The following NDUFA10 variants were observed in gnomAD, a reference collection of about 807,000 sequenced individuals.
NDUFA10 encodes the protein NADH:ubiquinone oxidoreductase subunit A10, also known as NADH dehydrogenase [ubiquinone] 1 alpha subcomplex subunit 10, mitochondrial.
In NDUFA10, 40 loss-of-function variants were observed where a neutral mutation model predicts 47.8. That is an observed-to-expected ratio of 0.84 (90% confidence interval 0.65 to 1.09). The LOEUF is 1.09. Among genes scored for constraint, NDUFA10 ranks in the 50% least tolerant of loss-of-function variants. The pLI, the probability that NDUFA10 is intolerant of heterozygous loss-of-function variation, is 0.00. For synonymous variants in NDUFA10, 183 were observed against 172.2 expected, an observed-to-expected ratio of 1.06 and a Z score of -0.49; for missense variants, 413 against 451.1, an observed-to-expected ratio of 0.92 and a Z score of 0.76.
chr2:239,962,400 C>T (rs1694892164), intron 9 of NDUFA10, among the ~76,000 whole-genome samples: 1 of 152,188 alleles, frequency 6.6e-6, no homozygotes, highest in African/African-American at 2.4e-5. Context: ...GCCTCTGCCA[C>T]AGTGGCCACG....
intron 5 of NDUFA10, among the ~76,000 whole-genome samples, chr2:239,894,618 T>C (rs1160488878): frequency 6.6e-6 from 1 of 152,154 alleles, no homozygotes; most frequent in African/African-American, 2.4e-5. Context: ...CCTCTTGTTC[T>C]CTGCCTTGTT....
chr2:240,023,849 G>T (rs1437640797), intron 1 of NDUFA10, among the ~76,000 whole-genome samples: 5 of 152,152 alleles, frequency 3.3e-5, no homozygotes, highest in African/African-American at 1.2e-4. Flanking sequence ...AACACCTCTC[G>T]CAAATGAAAT....
intron 9 of NDUFA10, among the ~76,000 whole-genome samples, chr2:239,978,720 G>A (rs1019595151): frequency 2.0e-5 from 3 of 152,174 alleles, no homozygotes; most frequent in African/African-American, 4.8e-5. Context: ...TGAAAACTAC[G>A]CGTCTGAAAA....
At position 239,967,779 on chromosome 2, in the gene NDUFA10, G is replaced by A. The variant is rs78810943; in HGVS notation, c.1000-6593C>T. Among the ~76,000 whole-genome samples, 18 of 152,308 alleles carry A rather than the reference G, an allele frequency of 1.2e-4. 1 individual carries two copies. Among genetic ancestry groups the A allele is most frequent in the African/African-American group, 1.2e-4 (5 of 41,568 alleles). On this transcript the variant is annotated intron_variant, in intron 9 of 9. Coordinates refer to ENST00000252711, the MANE Select transcript of NDUFA10 (RefSeq NM_004544.4). ...CGCCACTGAGTTTGTGTGATTCAAC[G>A]TAAGGACTGGATGAGTTCTGATGTT...
chr2:239,904,913 G>A (rs34139345), intron 4 of NDUFA10, among the ~76,000 whole-genome samples: 2,715 of 152,228 alleles, frequency 0.018, 69 homozygotes, highest in East Asian at 0.14. Context: ...CTCCGATCCC[G>A]CCTCTGCATT....
At chr2:239,893,219 G>C (rs1479543137) in intron 5 of NDUFA10, among the ~76,000 whole-genome samples, 1 of 152,180 alleles carries the variant, frequency 6.6e-6, no homozygotes, top group South Asian at 2.1e-4. Context: ...GCAGCACAGG[G>C]TACACGGCAG....
At chr2:239,998,827 G>C (rs1260552333) in intron 8 of NDUFA10, among the ~76,000 whole-genome samples, 1 of 152,234 alleles carries the variant, frequency 6.6e-6, no homozygotes, top group Non-Finnish European at 1.5e-5. Flanking sequence ...ACAGGAGGAA[G>C]AGCCTGTGCA....
chr2:239,913,426 T>C (rs945042594), intron 4 of NDUFA10, among the ~76,000 whole-genome samples: 2 of 152,240 alleles, frequency 1.3e-5, no homozygotes, highest in Non-Finnish European at 2.9e-5. Flanking sequence ...GCTGGCCTTG[T>C]GGTCACGTGG....
chr2:240,013,099 C>T (rs1382872901), intron 5 of NDUFA10: 1 of 152,262 alleles, frequency 6.6e-6, no homozygotes, highest in East Asian at 1.9e-4. Flanking sequence ...TCTCAGAAAT[C>T]TGACCTGAAG....
chr2:239,933,598 A>T, intron 4 of NDUFA10, among the ~76,000 whole-genome samples: 1 of 148,824 alleles, frequency 6.7e-6, no homozygotes, highest in East Asian at 2.0e-4. Flanking sequence ...AGAGCCTCCA[A>T]CTTAATGCAC....
chr2:239,924,671 A>C (rs1045361664), intron 4 of NDUFA10, among the ~76,000 whole-genome samples: 1 of 152,052 alleles, frequency 6.6e-6, no homozygotes, highest in Non-Finnish European at 1.5e-5. Context: ...TACTATTACC[A>C]CTCCTATTCA....
At chr2:239,970,516 T>C (rs755167864) in intron 9 of NDUFA10, among the ~76,000 whole-genome samples, 1 of 152,226 alleles carries the variant, frequency 6.6e-6, no homozygotes, top group Non-Finnish European at 1.5e-5. Context: ...GACTAAAAAA[T>C]TGTTTCAATC....
In NDUFA10 at chr2:239,959,026, T is replaced by A; in HGVS notation, c.*2092A>T. On this transcript the variant is annotated 3_prime_UTR_variant, in exon 10 of 10. Coordinates refer to ENST00000252711, the MANE Select transcript of NDUFA10 (RefSeq NM_004544.4). Reference sequence around the variant, plus strand: ...GGAAATCGGGGCATCTCCTCACCTCTTCTTGAGGCTTCTATGTGGAGAGAA... The same window carrying A: ...GGAAATCGGGGCATCTCCTCACCTCATCTTGAGGCTTCTATGTGGAGAGAA... The A allele has an allele frequency of 1.0e-6, 1 of 985,474 alleles. No individual in the cohort carries two copies. Among genetic ancestry groups the A allele is most frequent in the South Asian group, 4.7e-5 (1 of 21,288 alleles). The allele number at this position is 985,474 out of a possible 1,614,324, so 61.0% of individuals were successfully genotyped here.
chr2:239,942,689 C>T (rs1694379278), intron 4 of NDUFA10, among the ~76,000 whole-genome samples: 1 of 151,902 alleles, frequency 6.6e-6, no homozygotes, highest in African/African-American at 2.4e-5. Flanking sequence ...ATGCTGTGGT[C>T]CCTTCTCCAG....
intron 4 of NDUFA10, 80 bp downstream of exon 4, chr2:240,018,473 A>C: frequency 1.2e-6 from 2 of 1,612,782 alleles, no homozygotes; most frequent in Non-Finnish European, 1.7e-6. Context: ...TCATAAACAC[A>C]GTAAGTGCAA....
chr2:239,967,979 T>TATAC (rs373936883), intron 9 of NDUFA10, among the ~76,000 whole-genome samples: 3 of 147,476 alleles, frequency 2.0e-5, no homozygotes, highest in African/African-American at 7.5e-5. Flanking sequence ...GAAAAAAATA[T>TATAC]ACACACACAC....
intron 5 of NDUFA10, 196 bp from the exon 6 acceptor site, chr2:240,011,892 C>A: frequency 1.6e-6 from 1 of 622,926 alleles, no homozygotes; most frequent in East Asian, 2.9e-5. Context: ...CAGTGAACAC[C>A]TGAGCCTGCC....
At chr2:239,954,814 G>GGTGGCACT (rs71045921), downstream of NDUFA10, among the ~76,000 whole-genome samples, 4 of 151,648 alleles carry the variant, frequency 2.6e-5, no homozygotes, top group African/African-American at 4.8e-5. Context: ...CCCCCAAGTG[G>GGTGGCACT]GTTGGCAGGT....
intron 9 of NDUFA10, among the ~76,000 whole-genome samples, chr2:239,964,985 C>CGA (rs1413734893): frequency 6.8e-4 from 103 of 152,242 alleles, no homozygotes; most frequent in Admixed American, 1.8e-3. Context: ...CAGGGTTTTT[C>CGA]AATTAAAGTT....
Sources: gnomAD v4.1 joint callset for allele counts (sites outside exome capture counted in the v4.1 genomes callset) on GRCh38, gnomAD v4.1.1 for gene constraint, MANE v1.5 for transcripts, NCBI Gene and HGNC (gene_info 2026-07-23, HGNC 2026-07-21) for gene names.